The following TNIP1 variants were observed in gnomAD, a reference collection of about 807,000 sequenced individuals.
TNIP1 encodes TNFAIP3-interacting protein 1.
TNIP1 carries 22 observed loss-of-function variants against 86.6 expected under a neutral mutation model. The ratio of observed to expected loss-of-function variants is 0.25; its 90% CI spans 0.18 to 0.36. The LOEUF (loss-of-function observed/expected upper bound fraction) is 0.36. TNIP1 is among the 10% of genes least tolerant of loss of function. The pLI, the probability that TNIP1 is intolerant of heterozygous loss-of-function variation, is 1.00. For synonymous variants in TNIP1, 294 were observed against 313.0 expected (o/e 0.94, Z 0.64); for missense variants, 709 against 820.6 (o/e 0.86, Z 1.66).
At chr5:151,076,213 G>C (rs1375405919) in intron 1 of TNIP1, among the ~76,000 whole-genome samples, 5 of 152,222 alleles carry the variant, frequency 3.3e-5, no homozygotes, top group African/African-American at 1.2e-4. Context: ...CTGGGGGTTG[G>C]GAGCTGTGCT....
upstream of TNIP1, among the ~76,000 whole-genome samples, chr5:151,082,740 A>G (rs1360298973): frequency 6.6e-6 from 1 of 152,224 alleles, no homozygotes; most frequent in Non-Finnish European, 1.5e-5. Context: ...ACATAAAAAA[A>G]TGGCACTCAG....
At chr5:151,050,433 T>C (rs1188554647) in intron 7 of TNIP1, among the ~76,000 whole-genome samples, 1 of 152,364 alleles carries the variant, frequency 6.6e-6, no homozygotes, top group Non-Finnish European at 1.5e-5. Flanking sequence ...TTTATTAACA[T>C]CCTTTCACTT....
chr5:151,039,474 C>T (rs1446246688), intron 11 of TNIP1, among the ~76,000 whole-genome samples: 9 of 152,226 alleles, frequency 5.9e-5, no homozygotes, highest in African/African-American at 1.4e-4. Context: ...CCCTGGATTC[C>T]GACACCAGTT....
intron 1 of TNIP1, among the ~76,000 whole-genome samples, chr5:151,074,027 C>T (rs1439825625): frequency 6.6e-6 from 1 of 152,148 alleles, no homozygotes; most frequent in Admixed American, 6.5e-5. Flanking sequence ...TTTACCTATG[C>T]TATTTTAACT....
intron 1 of TNIP1, among the ~76,000 whole-genome samples, chr5:151,079,566 G>A (rs1208369336): frequency 1.3e-5 from 2 of 151,626 alleles, no homozygotes; most frequent in Non-Finnish European, 2.9e-5. Context: ...AAGTTGCCGT[G>A]AGCCGAGATC....
intron 1 of TNIP1, among the ~76,000 whole-genome samples, chr5:151,073,617 T>A (rs1581917508): frequency 1.4e-5 from 2 of 148,012 alleles, no homozygotes; most frequent in East Asian, 4.1e-4. Flanking sequence ...GAATCTTAAA[T>A]GTGCATAGAA....
At chr5:151,052,332 G>A in intron 6 of TNIP1, 73 bp from the exon 7 acceptor site, 1 of 1,319,994 alleles carries the variant, frequency 7.6e-7, no homozygotes, top group Non-Finnish European at 1.1e-6. Context: ...GCTAGAGGAT[G>A]GTGGGGGGCC....
intron 9 of TNIP1, among the ~76,000 whole-genome samples, chr5:151,043,733 G>C (rs1432842570): frequency 6.6e-6 from 1 of 151,706 alleles, no homozygotes; most frequent in East Asian, 1.9e-4. Context: ...CGAGATCATG[G>C]CACTGCACTC....
intron 1 of TNIP1, among the ~76,000 whole-genome samples, chr5:151,070,219 CT>C (rs1762684218): frequency 2.0e-5 from 3 of 152,244 alleles, no homozygotes; most frequent in Admixed American, 2.0e-4. Flanking sequence ...TCACTTTCTA[CT>C]TTAGGCAATA....
upstream of TNIP1, among the ~76,000 whole-genome samples, chr5:151,082,746 C>G (rs1421112117): frequency 6.6e-6 from 1 of 152,228 alleles, no homozygotes; most frequent in Admixed American, 6.5e-5. Flanking sequence ...AAAAATGGCA[C>G]TCAGTCATCT....
intron 1 of TNIP1, among the ~76,000 whole-genome samples, chr5:151,068,130 G>A (rs1762449938): frequency 1.3e-5 from 2 of 152,316 alleles, no homozygotes; most frequent in East Asian, 1.9e-4. Flanking sequence ...CAGAGGAGAC[G>A]CAGGAGAAAT....
chr5:151,047,514 G>A (rs1350565796), intron 8 of TNIP1, among the ~76,000 whole-genome samples: 1 of 152,272 alleles, frequency 6.6e-6, no homozygotes, highest in African/African-American at 2.4e-5. Flanking sequence ...TGCAAATCTG[G>A]TGAAATCTGA....
chr5:151,066,758 G>A (rs566225773), intron 1 of TNIP1, among the ~76,000 whole-genome samples: 8 of 152,080 alleles, frequency 5.3e-5, no homozygotes, highest in Non-Finnish European at 7.3e-5. Context: ...ACGATGACCC[G>A]GCCGCAATAA....
chr5:151,057,448 G>A (rs192696668), intron 5 of TNIP1, among the ~76,000 whole-genome samples: 2 of 152,302 alleles, frequency 1.3e-5, no homozygotes, highest in African/African-American at 2.4e-5. Context: ...CAAACTGGCC[G>A]GGCGCGATGG....
At chr5:151,072,422 C>G (rs1339254694) in intron 1 of TNIP1, among the ~76,000 whole-genome samples, 1 of 152,202 alleles carries the variant, frequency 6.6e-6, no homozygotes, top group African/African-American at 2.4e-5. Flanking sequence ...CTCTGAGGAG[C>G]CCAGGGACTC....
chr5:151,033,626 G>A lies in TNIP1; in HGVS notation c.1761C>T (p.Asn587=). ...GACTCACCAGATGGAAGAGGCGCGA[G>A]TTGGGGAGTGGGGGCGGGTGCTCCA... The part of the protein sequence containing the change: ...MAMEHPPPLP[N]SRLFHLPEYT... The change falls in exon 16 of 18, where the codon AAC becomes AAT. Residue 587 remains asparagine (N), a synonymous_variant. Transcript: ENST00000521591. 7.4e-7 allele frequency: 1 copy of A among 1,352,534 alleles called. No individual in the cohort carries two copies. The highest frequency in any genetic ancestry group is 2.0e-4 in the Middle Eastern group (1 of 4,954). The allele number at this position is 1,352,534 out of a possible 1,614,324, so 83.8% of individuals were successfully genotyped here.
At position 151,073,637 on chromosome 5, in the gene TNIP1, G is replaced by GA. The variant is rs201889457; in HGVS notation, c.-37+7242dup. Among the ~76,000 whole-genome samples the GA allele has an allele frequency of 7.5e-3, 1,118 of 148,644 alleles. 11 individuals carry two copies. Among genetic ancestry groups the GA allele is most frequent in the African/African-American group, 0.026 (1,047 of 40,186 alleles). ...TTAAATGTGCATAGAAAAAGGCCTGGAAGCCCAGTGCTTTGGGAGGCCAAG... is the reference window on the plus strand; with the variant it reads ...TTAAATGTGCATAGAAAAAGGCCTGGAAAGCCCAGTGCTTTGGGAGGCCAAG... On this transcript the variant is annotated intron_variant, in intron 1 of 17. Transcript: ENST00000521591.
At chr5:151,046,852 C>T (rs965312540) in intron 8 of TNIP1, among the ~76,000 whole-genome samples, 9 of 152,062 alleles carry the variant, frequency 5.9e-5, no homozygotes, top group African/African-American at 2.2e-4. Flanking sequence ...AACAAAATAG[C>T]TGAATCAATA....
chr5:151,081,126 C>CCCGCGGCCGCCTGGGGTGGGA (rs1211966044), upstream of TNIP1: 2 of 152,176 alleles, frequency 1.3e-5, no homozygotes, highest in Non-Finnish European at 2.9e-5. Flanking sequence ...TCCGGGCGGG[C>CCCGCGGCCGCCTGGGGTGGGA]CCGCGGCCGC....
Sources: gnomAD v4.1 joint callset for allele counts (sites outside exome capture counted in the v4.1 genomes callset) on GRCh38, gnomAD v4.1.1 for gene constraint, MANE v1.5 for transcripts, NCBI Gene and HGNC (gene_info 2026-07-23, HGNC 2026-07-21) for gene names.